TMEM132B: variants seen among roughly 807,000 people sequenced by gnomAD.
TMEM132B encodes transmembrane protein 132B.
TMEM132B carries 18 observed loss-of-function variants against 90.8 expected under a neutral mutation model. The ratio of observed to expected loss-of-function variants is 0.20; its 90% CI spans 0.14 to 0.29. The LOEUF (loss-of-function observed/expected upper bound fraction) is 0.29. TMEM132B is among the 10% of genes least tolerant of loss of function. TMEM132B has a pLI of 1.00. For synonymous variants in TMEM132B, 504 were observed against 523.3 expected (o/e 0.96, Z 0.50); for missense variants, 1,096 against 1,326.8 (o/e 0.83, Z 2.70).
chr12:125,255,194 C>T (rs760070181), intron 1 of TMEM132B, among the ~76,000 whole-genome samples: 2 of 152,026 alleles, frequency 1.3e-5, no homozygotes, highest in African/African-American at 2.4e-5. Context: ...TAGGGGCTTG[C>T]GGGGAGGAGA....
At chr12:125,561,485 C>T (rs1439133570) in intron 4 of TMEM132B, among the ~76,000 whole-genome samples, 2 of 151,900 alleles carry the variant, frequency 1.3e-5, no homozygotes, top group African/African-American at 4.8e-5. Context: ...CAAACCTGCA[C>T]GTTCTGCACA....
rs1211627059 is a variant in TMEM132B, at chr12:125,658,345, G to A, written c.*3635G>A. 15 of 152,252 alleles carry A rather than the reference G, an allele frequency of 9.9e-5. No homozygotes were observed. The highest frequency in any genetic ancestry group is 9.8e-4 in the Admixed American group (15 of 15,288). The allele number at this position is 152,252 out of a possible 1,614,324, so 9.4% of individuals were successfully genotyped here. ...TAGAAAGGGGTCTTCCCATTACTGGGATGTCGGGGCCCTGTCAGAGAACTA... is the reference window on the plus strand; with the variant it reads ...TAGAAAGGGGTCTTCCCATTACTGGAATGTCGGGGCCCTGTCAGAGAACTA... On this transcript the variant is annotated 3_prime_UTR_variant, in exon 9 of 9. Coordinates refer to ENST00000682704, the MANE Select transcript of TMEM132B (RefSeq NM_001366854.1).
At chr12:125,644,688 C>T (rs1163172697) in intron 6 of TMEM132B, among the ~76,000 whole-genome samples, 1 of 152,098 alleles carries the variant, frequency 6.6e-6, no homozygotes, top group Non-Finnish European at 1.5e-5. Context: ...GAGCACAGTA[C>T]AGTGGTTAAG....
rs543001198 is a variant in TMEM132B, at chr12:125,555,637, A to G, written c.1294-28214A>G. On this transcript the variant is annotated intron_variant, in intron 4 of 8. Coordinates refer to ENST00000682704, the MANE Select transcript of TMEM132B (RefSeq NM_001366854.1). ...TAAATGACGAGTTAATGGGTGCAGC[A>G]CACCAACATGGCACATGTATACATA... 7.3e-4 allele frequency among the ~76,000 whole-genome samples: 111 copies of G among 151,504 alleles called. No homozygotes were observed. In the South Asian group the frequency reaches 0.011, roughly 16 times the overall value.
chr12:125,634,309 C>T (rs980164273), intron 5 of TMEM132B, among the ~76,000 whole-genome samples: 1 of 152,182 alleles, frequency 6.6e-6, no homozygotes, highest in African/African-American at 2.4e-5. Context: ...CGGCCTGAGA[C>T]TCACCCTGCA....
intron 5 of TMEM132B, among the ~76,000 whole-genome samples, chr12:125,603,079 CA>C (rs1489734460): frequency 6.6e-6 from 1 of 152,326 alleles, no homozygotes; most frequent in East Asian, 1.9e-4. Flanking sequence ...CTACCATTTA[CA>C]TTCTTCACAG....
intron 2 of TMEM132B, among the ~76,000 whole-genome samples, chr12:125,372,888 CT>C (rs1878340826): frequency 6.6e-6 from 1 of 152,194 alleles, no homozygotes; most frequent in South Asian, 2.1e-4. Context: ...TTACTCCAGT[CT>C]CAGGGCATTT....
chr12:125,429,372 T>C (rs1039668792), intron 3 of TMEM132B, among the ~76,000 whole-genome samples: 1 of 151,908 alleles, frequency 6.6e-6, no homozygotes, highest in Non-Finnish European at 1.5e-5. Flanking sequence ...GATAATTTTT[T>C]TTTTTGTATT....
At chr12:125,238,596 G>A (rs1022204913) in intron 1 of TMEM132B, among the ~76,000 whole-genome samples, 1 of 152,116 alleles carries the variant, frequency 6.6e-6, no homozygotes, top group Non-Finnish European at 1.5e-5. Context: ...TCTGTTTTCT[G>A]GGCTCAATTT....
In TMEM132B at chr12:125,246,080, G is replaced by T. The variant is rs151167431; in HGVS notation, c.67+59214G>T. ...GCAGAGCCATTCCACTGACCAGTGG[G>T]GATTGATCTGGGCCCTGGCAGTGAC... On this transcript the variant is annotated intron_variant, in intron 1 of 8. Transcript: ENST00000682704. The surrounding 1 kb of genome is among the most constrained non-coding windows in gnomAD (Gnocchi z 4.2). 3.0e-3 allele frequency among the ~76,000 whole-genome samples: 460 copies of T among 152,358 alleles called. 2 individuals are homozygous for T. The highest frequency in any genetic ancestry group is 4.9e-3 in the Admixed American group (75 of 15,300).
intron 2 of TMEM132B, among the ~76,000 whole-genome samples, chr12:125,403,324 C>G (rs1454254035): frequency 2.0e-5 from 3 of 152,302 alleles, no homozygotes; most frequent in Non-Finnish European, 4.4e-5. Flanking sequence ...CTGTCTCATG[C>G]TGTGAGGGGC....
intron 5 of TMEM132B, among the ~76,000 whole-genome samples, chr12:125,600,789 G>A (rs1036460737): frequency 6.6e-6 from 1 of 152,034 alleles, no homozygotes; most frequent in Non-Finnish European, 1.5e-5. Context: ...CAAGCAAATG[G>A]AAAGAAATAA....
At chr12:125,452,883 T>C (rs1292881887) in intron 3 of TMEM132B, among the ~76,000 whole-genome samples, 1 of 152,238 alleles carries the variant, frequency 6.6e-6, no homozygotes, top group Non-Finnish European at 1.5e-5. Flanking sequence ...AATTTATGTA[T>C]CAAATATTAT....
At chr12:125,419,647 A>C (rs1322514776) in intron 3 of TMEM132B, among the ~76,000 whole-genome samples, 2 of 152,124 alleles carry the variant, frequency 1.3e-5, no homozygotes, top group African/African-American at 4.8e-5. Flanking sequence ...GCCCTTCCCA[A>C]ATCTCGTGTC....
chr12:125,432,528 T>TATATATATATAGAGAGAGAGAG (rs1458075923), intron 3 of TMEM132B, among the ~76,000 whole-genome samples: 2 of 39,128 alleles, frequency 5.1e-5, no homozygotes, highest in African/African-American at 2.5e-4. Flanking sequence ...TATATATATA[T>TATATATATATAGAGAGAGAGAG]AGAGAGAGAG....
intron 1 of TMEM132B, among the ~76,000 whole-genome samples, chr12:125,321,461 C>G (rs1389861486): frequency 2.0e-5 from 3 of 147,480 alleles, no homozygotes; most frequent in Admixed American, 7.0e-5. Context: ...GGTGTAGTCA[C>G]TTTTGAAAAT....
intron 1 of TMEM132B, among the ~76,000 whole-genome samples, chr12:125,238,140 T>C (rs563941235): frequency 6.6e-6 from 1 of 152,172 alleles, no homozygotes; most frequent in South Asian, 2.1e-4. Flanking sequence ...AGGGCCTGAC[T>C]TCTGAGGACA....
At chr12:125,256,281 A>G (rs1246478508) in intron 1 of TMEM132B, among the ~76,000 whole-genome samples, 3 of 152,310 alleles carry the variant, frequency 2.0e-5, no homozygotes, top group Non-Finnish European at 4.4e-5. Context: ...GGATTCATAT[A>G]TTTTTAATAC....
At chr12:125,499,843 C>T (rs900993290) in intron 3 of TMEM132B, among the ~76,000 whole-genome samples, 3 of 152,176 alleles carry the variant, frequency 2.0e-5, no homozygotes, top group African/African-American at 7.2e-5. Context: ...TGTTTTAAGG[C>T]TCTGTTAGAA....
Sources: allele counts gnomAD v4.1 joint callset (sites outside exome capture counted in the v4.1 genomes callset), GRCh38; gene constraint gnomAD v4.1.1; non-coding constraint Gnocchi (gnomAD v3.1); transcripts MANE v1.5; gene names NCBI Gene and HGNC (gene_info 2026-07-23, HGNC 2026-07-21).